The following TCF12 variants were observed in gnomAD, a reference collection of about 807,000 sequenced individuals.
TCF12 encodes DNA-binding protein HTF4.
A neutral mutation model predicts 86.0 loss-of-function variants in TCF12; 45 were observed. The ratio of observed to expected loss-of-function variants is 0.52; its 90% CI spans 0.41 to 0.67. The LOEUF is 0.67. TCF12 is among the 30% of genes least tolerant of loss of function. The pLI is 0.00. For synonymous variants in TCF12, 330 were observed against 299.6 expected, an observed-to-expected ratio of 1.10 and a Z score of -1.05; for missense variants, 881 against 859.9, an observed-to-expected ratio of 1.02 and a Z score of -0.31.
At chr15:57,064,535 C>T (rs940704278) in intron 4 of TCF12, among the ~76,000 whole-genome samples, 7 of 152,120 alleles carry the variant, frequency 4.6e-5, no homozygotes, top group African/African-American at 1.7e-4. Flanking sequence ...TGGCTCATGC[C>T]TGTAATCCCA....
chr15:57,192,083 C>T (rs2057010429), intron 6 of TCF12, 75 bp from the exon 7 acceptor site: 2 of 1,543,960 alleles, frequency 1.3e-6, no homozygotes, highest in Admixed American at 1.8e-5. Flanking sequence ...GTAAATAATT[C>T]AGAAGTGATG....
At chr15:57,030,507 T>C (rs1436410186) in intron 3 of TCF12, among the ~76,000 whole-genome samples, 1 of 152,200 alleles carries the variant, frequency 6.6e-6, no homozygotes, top group African/African-American at 2.4e-5. Flanking sequence ...GCTGGGATTA[T>C]AGGAAAGAGC....
chr15:57,051,581 C>T (rs2067621939), intron 3 of TCF12, among the ~76,000 whole-genome samples: 1 of 152,066 alleles, frequency 6.6e-6, no homozygotes, highest in Non-Finnish European at 1.5e-5. Flanking sequence ...GCCTCTGCTT[C>T]CCAAAGTGCT....
intron 13 of TCF12, among the ~76,000 whole-genome samples, chr15:57,246,485 T>G (rs1042038756): frequency 6.6e-6 from 1 of 152,126 alleles, no homozygotes; most frequent in Admixed American, 6.5e-5. Flanking sequence ...TGCTCTACTT[T>G]GCAGTTCTTC....
chr15:57,140,788 T>C (rs555492537), intron 5 of TCF12, among the ~76,000 whole-genome samples: 7 of 152,324 alleles, frequency 4.6e-5, no homozygotes, highest in Middle Eastern at 3.4e-3. Context: ...GATTGAACAA[T>C]TTACATTGCA....
At chr15:57,069,036 A>G (rs1205033987) in intron 4 of TCF12, among the ~76,000 whole-genome samples, 1 of 152,178 alleles carries the variant, frequency 6.6e-6, no homozygotes, top group Non-Finnish European at 1.5e-5. Context: ...GTTTGTGGAA[A>G]TGTCAAGAGG....
chr15:56,971,174 A>G (rs936290767), intron 3 of TCF12, among the ~76,000 whole-genome samples: 4 of 152,226 alleles, frequency 2.6e-5, no homozygotes, highest in African/African-American at 4.8e-5. Context: ...CTGTAATCCC[A>G]GCACTTTGGG....
intron 18 of TCF12, among the ~76,000 whole-genome samples, 181 bp from the exon 19 acceptor site, chr15:57,272,849 A>G (rs1450828863): frequency 6.6e-6 from 1 of 152,258 alleles, no homozygotes; most frequent in Non-Finnish European, 1.5e-5. Context: ...GTATGACTGT[A>G]TATGTGCATT....
chr15:56,985,370 T>C (rs569196309), intron 3 of TCF12, among the ~76,000 whole-genome samples: 1 of 152,308 alleles, frequency 6.6e-6, no homozygotes, highest in South Asian at 2.1e-4. Flanking sequence ...GCCAAACTAA[T>C]TTTGACTACT....
At chr15:57,001,930 A>G (rs1480719255) in intron 3 of TCF12, among the ~76,000 whole-genome samples, 1 of 152,190 alleles carries the variant, frequency 6.6e-6, no homozygotes, top group Non-Finnish European at 1.5e-5. Flanking sequence ...TGTTACAACA[A>G]CCCTTACATA....
At chr15:56,924,940 T>C (rs1229364239) in intron 3 of TCF12, among the ~76,000 whole-genome samples, 1 of 152,200 alleles carries the variant, frequency 6.6e-6, no homozygotes, top group Non-Finnish European at 1.5e-5. Context: ...GGCTCATGCC[T>C]GTAATCCCAG....
intron 3 of TCF12, among the ~76,000 whole-genome samples, chr15:56,987,478 A>C (rs770579949): frequency 1.3e-5 from 2 of 152,078 alleles, no homozygotes; most frequent in Non-Finnish European, 2.9e-5. Context: ...CCTCAGAATA[A>C]ATGTTTAAGC....
chr15:56,992,410 G>A (rs534106453), intron 3 of TCF12, among the ~76,000 whole-genome samples: 7 of 152,148 alleles, frequency 4.6e-5, no homozygotes, highest in Admixed American at 1.3e-4. Context: ...TGTTTCTCAC[G>A]TAGCAGCCAG....
At chr15:57,185,911 C>A (rs537889811) in intron 6 of TCF12, among the ~76,000 whole-genome samples, 4 of 151,852 alleles carry the variant, frequency 2.6e-5, no homozygotes, top group Admixed American at 2.6e-4. Context: ...ACAAAAAGAT[C>A]AACAGAATTG....
At chr15:56,972,903 G>A (rs2062410450) in intron 3 of TCF12, among the ~76,000 whole-genome samples, 1 of 152,082 alleles carries the variant, frequency 6.6e-6, no homozygotes, top group South Asian at 2.1e-4. Context: ...ATAGCTTCAG[G>A]ACTGAAGACA....
At chr15:56,926,722 C>T (rs973599058) in intron 3 of TCF12, among the ~76,000 whole-genome samples, 3 of 152,220 alleles carry the variant, frequency 2.0e-5, no homozygotes, top group Non-Finnish European at 4.4e-5. Flanking sequence ...TACAGGTGTT[C>T]AGATCCAGAA....
chr15:56,941,876 C>T (rs576103530), intron 3 of TCF12, among the ~76,000 whole-genome samples: 71 of 152,206 alleles, frequency 4.7e-4, no homozygotes, highest in African/African-American at 1.7e-3. Flanking sequence ...CAGTAATCTT[C>T]TTTAGAACAA....
chr15:57,154,388 C>A (rs2053974799), intron 5 of TCF12, among the ~76,000 whole-genome samples: 1 of 152,202 alleles, frequency 6.6e-6, no homozygotes, highest in Non-Finnish European at 1.5e-5. Context: ...ACTAAAGTTA[C>A]TAAACTTGGG....
At chr15:57,219,046 C>T (rs1463274817) in intron 8 of TCF12, 2 of 1,049,574 alleles carry the variant, frequency 1.9e-6, no homozygotes, top group Non-Finnish European at 2.3e-6. Context: ...CAACTTTAGA[C>T]CATGGCAGAT....
Sources: allele counts gnomAD v4.1 joint callset (sites outside exome capture counted in the v4.1 genomes callset), GRCh38; gene constraint gnomAD v4.1.1; transcripts MANE v1.5; gene names NCBI Gene and HGNC (gene_info 2026-07-23, HGNC 2026-07-21).